KIAA1549L: variants seen among roughly 807,000 people sequenced by gnomAD.
The protein encoded by KIAA1549L is KIAA1549 like, also known as UPF0606 protein KIAA1549L.
Under a neutral mutation model 160.7 loss-of-function variants are expected in KIAA1549L, and 88 were observed. That is an observed-to-expected ratio of 0.55 (90% CI 0.46 to 0.65). The LOEUF (loss-of-function observed/expected upper bound fraction) is 0.65. Among genes scored for constraint, KIAA1549L ranks in the 30% least tolerant of loss-of-function variants. The pLI, the probability that KIAA1549L is intolerant of heterozygous loss-of-function variation, is 0.00. For missense variants in KIAA1549L, 2,258 were observed against 2,437.5 expected, an observed-to-expected ratio of 0.93 and a Z score of 1.55; for synonymous variants, 950 against 976.7, an observed-to-expected ratio of 0.97 and a Z score of 0.51.
chr11:33,659,688 C>A (rs1212150037), intron 19 of KIAA1549L, among the ~76,000 whole-genome samples: 1 of 152,182 alleles, frequency 6.6e-6, no homozygotes, highest in Non-Finnish European at 1.5e-5. Flanking sequence ...AAGTCCATTT[C>A]TTTTGGTTCT....
At chr11:33,652,515 G>T (rs776149045) in intron 17 of KIAA1549L, among the ~76,000 whole-genome samples, 6 of 152,190 alleles carry the variant, frequency 3.9e-5, no homozygotes, top group African/African-American at 7.2e-5. Context: ...TTTTTCATCA[G>T]TTCTCTTGGT....
rs146258029 is a variant in KIAA1549L at position 33,462,083 on chromosome 11, G to A, written c.239-79719G>A. Among the ~76,000 whole-genome samples the A allele has an allele frequency of 1.8e-4, 27 of 152,284 alleles. 1 individual carries two copies. The highest frequency in any genetic ancestry group is 4.3e-4 in the African/African-American group (18 of 41,548). On this transcript the variant is annotated intron_variant, in intron 1 of 20. Coordinates refer to ENST00000658780, the MANE Select transcript of KIAA1549L (RefSeq NM_012194.3). ...TCTAGCCAATTTTTAATCCGTAAGC[G>A]GATCACTATATGGACAGAGTTTATT...
chr11:33,650,063 A>G (rs559202171), intron 17 of KIAA1549L, among the ~76,000 whole-genome samples: 8 of 152,266 alleles, frequency 5.3e-5, no homozygotes, highest in Admixed American at 2.6e-4. Flanking sequence ...CTCACCCGGA[A>G]GGAGAGGACC....
chr11:33,407,927 CT>C lies in KIAA1549L; in HGVS notation c.238+31041del, dbSNP rs1284623836. On this transcript the variant is annotated intron_variant, in intron 1 of 20. Coordinates refer to ENST00000658780, the MANE Select transcript of KIAA1549L (RefSeq NM_012194.3). ...TTCTCACTCAGAGTTCTTGAGCTTT[CT>C]TTAGTCAACTTCCTACTGGGAATGA... Among the ~76,000 whole-genome samples, 5 of 152,300 alleles carry C rather than the reference CT, an allele frequency of 3.3e-5. No homozygotes were observed. The East Asian group carries it at 9.6e-4, about 29-fold the overall frequency.
chr11:33,478,369 A>G (rs1205333606), intron 1 of KIAA1549L, among the ~76,000 whole-genome samples: 1 of 152,368 alleles, frequency 6.6e-6, no homozygotes, highest in East Asian at 1.9e-4. Context: ...CAGGGATTGC[A>G]GTTTTGTCTT....
In KIAA1549L at chr11:33,543,661, C is replaced by T. The variant is rs1854117784; in HGVS notation, c.2098C>T (p.Leu700Phe). The T allele has an allele frequency of 3.7e-6, 6 of 1,613,976 alleles. No individual in the cohort carries two copies. The highest frequency in any genetic ancestry group is 5.1e-6 in the Non-Finnish European group (6 of 1,179,868). Residue 700 changes from leucine (L) to phenylalanine (F), a missense_variant, in exon 2 of 21, where the codon CTT becomes TTT. Physicochemically the swap from Leu to Phe is conservative, Grantham distance 22. Transcript: ENST00000658780. ...PATTDVFWSS[L>F]SAETGSLSTE... ...AACCACAGATGTTTTCTGGAGTTCT[C>T]TTTCAGCAGAAACTGGATCTCTTTC...
In KIAA1549L at chr11:33,542,527, A is replaced by G. The variant is rs1854055145; in HGVS notation, c.964A>G (p.Thr322Ala). Reference protein sequence around the residue: ...IPHLGVSGSSTKWHSELSPTE... With the variant: ...IPHLGVSGSSAKWHSELSPTE... ...TCATCTAGGTGTTTCTGGATCCTCA[A>G]CAAAATGGCATTCCGAGCTGTCCCC... Residue 322 changes from threonine to alanine, a missense_variant, in exon 2 of 21, where the codon ACA (threonine) becomes GCA (alanine). Physicochemically the swap from Thr to Ala is moderately conservative, Grantham distance 58. Coordinates refer to ENST00000658780, the MANE Select transcript of KIAA1549L (RefSeq NM_012194.3). 3.7e-6 allele frequency: 6 copies of G among 1,613,864 alleles called. No individual in the cohort carries two copies. In the South Asian group the frequency reaches 6.6e-5, roughly 18 times the overall value.
intron 9 of KIAA1549L, 145 bp downstream of exon 9, chr11:33,568,372 G>A: frequency 1.4e-6 from 1 of 721,280 alleles, no homozygotes; most frequent in Non-Finnish European, 2.1e-6. Context: ...CTGCTCTTAG[G>A]TTTTGGGAAC....
intron 8 of KIAA1549L, among the ~76,000 whole-genome samples, chr11:33,567,577 A>G (rs184941564): frequency 5.8e-4 from 89 of 152,344 alleles, no homozygotes; most frequent in African/African-American, 2.1e-3. Context: ...ATTGAGTTGC[A>G]GGATGGAGCT....
rs780576579 is a variant in KIAA1549L, at chr11:33,568,192, A to G, written c.4195A>G (p.Lys1399Glu). The change falls in exon 9 of 21, where the codon AAA becomes GAA. Residue 1399 changes from lysine (K) to glutamate (E), a missense_variant. Lys to Glu is a moderately conservative substitution (Grantham distance 56). Coordinates refer to ENST00000658780, the MANE Select transcript of KIAA1549L (RefSeq NM_012194.3). ...MMSQQQGRRFKRATTLGSYTV... is the reference protein window; with the variant it reads ...MMSQQQGRRFERATTLGSYTV... ...GTCCCAGCAACAAGGCCGGCGGTTTAAACGGGCCACCACCCTGGGAAGCTA... is the reference window on the plus strand; with the variant it reads ...GTCCCAGCAACAAGGCCGGCGGTTTGAACGGGCCACCACCCTGGGAAGCTA... 7.4e-6 allele frequency: 12 copies of G among 1,613,642 alleles called. No individual in the cohort carries two copies. Among genetic ancestry groups the G allele is most frequent in the African/African-American group, 1.3e-5 (1 of 74,908 alleles).
chr11:33,565,705 CT>C (rs769888532), intron 8 of KIAA1549L, among the ~76,000 whole-genome samples: 532 of 131,374 alleles, frequency 4.0e-3, no homozygotes, highest in Admixed American at 5.9e-3. Flanking sequence ...TCCGTGGAGG[CT>C]TTTTTTTTTT....
intron 1 of KIAA1549L, among the ~76,000 whole-genome samples, chr11:33,401,158 G>C (rs1850490938): frequency 6.6e-6 from 1 of 151,008 alleles, no homozygotes; most frequent in African/African-American, 2.4e-5. Context: ...AAAGGGTGAA[G>C]GTGTGAGTAA....
intron 1 of KIAA1549L, among the ~76,000 whole-genome samples, chr11:33,386,373 A>G (rs1850172639): frequency 6.6e-6 from 1 of 152,172 alleles, no homozygotes; most frequent in African/African-American, 2.4e-5. Context: ...TAAAAAGACA[A>G]CTTTTTACAA....
chr11:33,388,502 A>G (rs1397724462), intron 1 of KIAA1549L, among the ~76,000 whole-genome samples: 1 of 152,196 alleles, frequency 6.6e-6, no homozygotes, highest in East Asian at 1.9e-4. Flanking sequence ...GTCAAGTGTG[A>G]TGGATCCTTC....
chr11:33,652,524 G>C (rs1041253311), intron 17 of KIAA1549L, among the ~76,000 whole-genome samples: 1 of 152,178 alleles, frequency 6.6e-6, no homozygotes, highest in Admixed American at 6.5e-5. Flanking sequence ...AGTTCTCTTG[G>C]TGAACTGCTA....
At chr11:33,603,579 G>T (rs1219293945) in intron 13 of KIAA1549L, among the ~76,000 whole-genome samples, 1 of 152,070 alleles carries the variant, frequency 6.6e-6, no homozygotes, top group Non-Finnish European at 1.5e-5. Context: ...GGCCAAGGTG[G>T]GTGGATCACC....
chr11:33,626,444 G>A (rs1413306297), intron 16 of KIAA1549L, among the ~76,000 whole-genome samples: 10 of 150,232 alleles, frequency 6.7e-5, no homozygotes, highest in Non-Finnish European at 1.2e-4. Context: ...CTTGAGCAGC[G>A]GTTTGTAGTT....
At chr11:33,625,295 A>G (rs1038377192) in intron 16 of KIAA1549L, among the ~76,000 whole-genome samples, 6 of 152,156 alleles carry the variant, frequency 3.9e-5, no homozygotes, top group African/African-American at 1.4e-4. Context: ...GGCTGGGTCA[A>G]ATGGTATTTC....
intron 1 of KIAA1549L, among the ~76,000 whole-genome samples, chr11:33,435,816 G>GTGTGTGTATATATATA (rs1554976827): frequency 2.5e-5 from 1 of 39,566 alleles, no homozygotes; most frequent in African/African-American, 1.6e-4. Flanking sequence ...ATATATGTGT[G>GTGTGTGTATATATATA]TGTATATATA....
Sources: allele counts gnomAD v4.1 joint callset (sites outside exome capture counted in the v4.1 genomes callset), GRCh38; gene constraint gnomAD v4.1.1; transcripts MANE v1.5; gene names NCBI Gene and HGNC (gene_info 2026-07-23, HGNC 2026-07-21).